PCSK5: variants seen among roughly 807,000 people sequenced by gnomAD.
PCSK5 encodes prohormone convertase 5.
In PCSK5, 129 loss-of-function variants were observed where a neutral mutation model predicts 233.2. The observed-to-expected ratio is 0.55, with a 90% confidence interval of 0.48 to 0.64. The LOEUF (loss-of-function observed/expected upper bound fraction) is 0.64, where lower values mean the gene tolerates loss of function less well. PCSK5 is among the 30% of genes least tolerant of loss of function. PCSK5 has a pLI of 0.00. For missense variants in PCSK5, 2,076 were observed against 2,430.1 expected, an observed-to-expected ratio of 0.85 and a Z score of 3.06; for synonymous variants, 825 against 879.2, an observed-to-expected ratio of 0.94 and a Z score of 1.09.
intron 24 of PCSK5, among the ~76,000 whole-genome samples, chr9:76,291,061 T>A (rs1458076718): frequency 6.6e-6 from 1 of 152,258 alleles, no homozygotes; most frequent in African/African-American, 2.4e-5. Flanking sequence ...TGCACCATCA[T>A]CAAGCTATTT....
At chr9:75,902,130 C>T (rs1826062287) in intron 1 of PCSK5, among the ~76,000 whole-genome samples, 1 of 143,216 alleles carries the variant, frequency 7.0e-6, no homozygotes, top group Non-Finnish European at 1.5e-5. Flanking sequence ...GCAGGAGAAT[C>T]GCTTGAACCC....
intron 3 of PCSK5, among the ~76,000 whole-genome samples, chr9:75,991,619 C>CTTTCTTTTTTTTTTTTTTTTTTT (rs1826770711): frequency 6.6e-6 from 1 of 152,166 alleles, no homozygotes; most frequent in South Asian, 2.1e-4. Context: ...CTTATATATT[C>CTTTCTTTTTTTTTTTTTTTTTTT]TTTCAAGCTG....
intron 12 of PCSK5, among the ~76,000 whole-genome samples, chr9:76,159,836 T>C (rs75274194): frequency 6.7e-6 from 1 of 148,512 alleles, no homozygotes; most frequent in Non-Finnish European, 1.5e-5. Flanking sequence ...TTTTTTTTTT[T>C]TTTGAGAGAC....
chr9:76,330,268 CA>C (rs1327694387), intron 33 of PCSK5, among the ~76,000 whole-genome samples: 1 of 152,152 alleles, frequency 6.6e-6, no homozygotes, highest in Non-Finnish European at 1.5e-5. Flanking sequence ...ACAATGTCCT[CA>C]GGTTCCCAGG....
intron 4 of PCSK5, among the ~76,000 whole-genome samples, chr9:76,025,637 G>C (rs1285982947): frequency 6.6e-6 from 1 of 152,108 alleles, no homozygotes; most frequent in Non-Finnish European, 1.5e-5. Context: ...TAAAGAGAAA[G>C]AAACTTCTGC....
At chr9:75,956,518 A>G (rs1416313575) in intron 2 of PCSK5, among the ~76,000 whole-genome samples, 1 of 152,198 alleles carries the variant, frequency 6.6e-6, no homozygotes, top group Non-Finnish European at 1.5e-5. Flanking sequence ...ATCTCATTAC[A>G]TATTTGAAAA....
At chr9:75,979,432 G>A (rs1826175194) in intron 2 of PCSK5, among the ~76,000 whole-genome samples, 1 of 152,280 alleles carries the variant, frequency 6.6e-6, no homozygotes, top group African/African-American at 2.4e-5. Flanking sequence ...GTAGGGACAA[G>A]TTCAGCTGGA....
intron 21 of PCSK5, among the ~76,000 whole-genome samples, chr9:76,229,260 C>T (rs921176948): frequency 1.3e-5 from 2 of 152,220 alleles, no homozygotes; most frequent in East Asian, 1.9e-4. Flanking sequence ...TACCAACAAT[C>T]AAATGCCAAT....
chr9:76,340,370 G>A (rs1434670767), intron 35 of PCSK5, among the ~76,000 whole-genome samples: 3 of 152,082 alleles, frequency 2.0e-5, no homozygotes. Context: ...AAATAGCCAG[G>A]CGCGGTGGCT....
chr9:76,055,372 C>T (rs527480555), intron 5 of PCSK5, among the ~76,000 whole-genome samples: 4 of 152,218 alleles, frequency 2.6e-5, no homozygotes, highest in Non-Finnish European at 5.9e-5. Context: ...CTGATCACCA[C>T]AAATAGACTA....
At chr9:76,291,801 C>T (rs1256430180) in intron 24 of PCSK5, among the ~76,000 whole-genome samples, 1 of 152,154 alleles carries the variant, frequency 6.6e-6, no homozygotes, top group African/African-American at 2.4e-5. Flanking sequence ...CCAAATGATG[C>T]TCACTTCCAT....
chr9:76,013,961 C>A (rs1827839964), intron 3 of PCSK5, among the ~76,000 whole-genome samples: 1 of 145,798 alleles, frequency 6.9e-6, no homozygotes, highest in Non-Finnish European at 1.5e-5. Flanking sequence ...TTTTTTTTGA[C>A]TTTGAAGAAA....
In PCSK5 at chr9:76,063,217, C is replaced by A. The variant is rs181595232; in HGVS notation, c.633-4738C>A. 7.6e-4 allele frequency among the ~76,000 whole-genome samples: 115 copies of A among 151,242 alleles called. 1 individual carries two copies. Among genetic ancestry groups the A allele is most frequent in the Admixed American group, 6.8e-3 (104 of 15,192 alleles). On this transcript the variant is annotated intron_variant, in intron 5 of 37. Transcript: ENST00000674117. ...TGGCATGATCATGGTTCACTGCAGCCTTGATCTCCCGGGCTTAAGTGATTC... is the reference window on the plus strand; with the variant it reads ...TGGCATGATCATGGTTCACTGCAGCATTGATCTCCCGGGCTTAAGTGATTC...
chr9:76,083,052 T>C (rs1257611775), intron 7 of PCSK5, among the ~76,000 whole-genome samples: 1 of 151,752 alleles, frequency 6.6e-6, no homozygotes, highest in Non-Finnish European at 1.5e-5. Flanking sequence ...CTACTAAAAA[T>C]ACAAAAATTA....
At chr9:76,208,077 G>A (rs1039035) in intron 20 of PCSK5, among the ~76,000 whole-genome samples, 150,862 of 152,282 alleles carry the variant, frequency 0.99, 74,734 homozygotes, top group Middle Eastern at 1. Flanking sequence ...CTCTCTCACC[G>A]TAACGAACCC....
Position 75,898,223 on chromosome 9 carries a change from G to C in PCSK5, c.192+6850G>C, listed in dbSNP as rs79644137. 4.5e-3 allele frequency among the ~76,000 whole-genome samples: 688 copies of C among 152,270 alleles called. 5 individuals are homozygous for C. The highest frequency in any genetic ancestry group is 0.016 in the African/African-American group (660 of 41,554). ...GTGTATGTAATATACTCAAGTATGTGCCTCATTGTGCTATTCTCACCTGAA... is the reference window on the plus strand; with the variant it reads ...GTGTATGTAATATACTCAAGTATGTCCCTCATTGTGCTATTCTCACCTGAA... On this transcript the variant is annotated intron_variant, in intron 1 of 37. Coordinates refer to ENST00000674117, the MANE Select transcript of PCSK5 (RefSeq NM_001372043.1).
At chr9:75,949,450 A>G (rs1478177667) in intron 2 of PCSK5, among the ~76,000 whole-genome samples, 1 of 152,138 alleles carries the variant, frequency 6.6e-6, no homozygotes, top group Non-Finnish European at 1.5e-5. Context: ...ATCATCATAA[A>G]GGAACATGGA....
intron 12 of PCSK5, among the ~76,000 whole-genome samples, chr9:76,162,193 G>T (rs1822891127): frequency 6.6e-6 from 1 of 152,122 alleles, no homozygotes; most frequent in South Asian, 2.1e-4. Flanking sequence ...ACCATGAATG[G>T]CCACCTTCCA....
intron 24 of PCSK5, among the ~76,000 whole-genome samples, chr9:76,288,394 A>G (rs1463530361): frequency 6.6e-6 from 1 of 152,216 alleles, no homozygotes; most frequent in Non-Finnish European, 1.5e-5. Flanking sequence ...CCCATCTTAA[A>G]TTCATGCTTT....
Sources: gnomAD v4.1 joint callset for allele counts (sites outside exome capture counted in the v4.1 genomes callset) on GRCh38, gnomAD v4.1.1 for gene constraint, MANE v1.5 for transcripts, NCBI Gene and HGNC (gene_info 2026-07-23, HGNC 2026-07-21) for gene names.